Variants in CDH13 observed in about 807,000 individuals in gnomAD.
CDH13 encodes cadherin 13, also known as cadherin-13.
Under a neutral mutation model 63.8 loss-of-function variants are expected in CDH13, and 24 were observed. That is an observed-to-expected ratio of 0.38 (90% confidence interval 0.27 to 0.53). The LOEUF (loss-of-function observed/expected upper bound fraction) is 0.53. CDH13 is among the 20% of genes least tolerant of loss of function. The pLI, the probability that CDH13 is intolerant of heterozygous loss-of-function variation, is 0.85. For synonymous variants in CDH13, 503 were observed against 355.3 expected, an observed-to-expected ratio of 1.42 and a Z score of -4.67; for missense variants, 1,049 against 903.1, an observed-to-expected ratio of 1.16 and a Z score of -2.07.
At chr16:83,471,269 AC>A (rs1260757174) in intron 6 of CDH13, among the ~76,000 whole-genome samples, 2 of 114,800 alleles carry the variant, frequency 1.7e-5, no homozygotes, top group Non-Finnish European at 3.4e-5. Flanking sequence ...TATTTTTCTA[AC>A]CACCCTTTTT....
At chr16:82,629,160 A>G (rs914773461) in intron 1 of CDH13, among the ~76,000 whole-genome samples, 1 of 152,206 alleles carries the variant, frequency 6.6e-6, no homozygotes, top group Admixed American at 6.5e-5. Context: ...TTTATGCACT[A>G]AGGGCTCTGC....
At chr16:82,807,101 T>G (rs1183825639) in intron 1 of CDH13, among the ~76,000 whole-genome samples, 1 of 151,988 alleles carries the variant, frequency 6.6e-6, no homozygotes, top group Non-Finnish European at 1.5e-5. Context: ...TTTTTTTTTT[T>G]TTCTTAAGAA....
intron 6 of CDH13, among the ~76,000 whole-genome samples, chr16:83,376,744 A>G (rs1215680041): frequency 1.3e-5 from 2 of 152,182 alleles, no homozygotes; most frequent in Admixed American, 6.5e-5. Flanking sequence ...AGGGCCAGAA[A>G]TCTTTGAGCA....
At chr16:82,838,947 G>A (rs796521365) in intron 1 of CDH13, among the ~76,000 whole-genome samples, 5 of 152,290 alleles carry the variant, frequency 3.3e-5, no homozygotes, top group African/African-American at 1.2e-4. Flanking sequence ...GACATTGCAG[G>A]CCATCCAGTC....
intron 5 of CDH13, among the ~76,000 whole-genome samples, chr16:83,263,544 C>A (rs1284469357): frequency 6.6e-6 from 1 of 152,146 alleles, no homozygotes; most frequent in Non-Finnish European, 1.5e-5. Context: ...CCTCCCTAGC[C>A]ACCGCCCACT....
At position 82,821,024 on chromosome 16, in the gene CDH13, C is replaced by T. The variant is rs117922971; in HGVS notation, c.46-37338C>T. Among the ~76,000 whole-genome samples the T allele has an allele frequency of 5.9e-4, 90 of 152,144 alleles. 1 individual carries two copies. The East Asian group carries it at 0.015, about 25-fold the overall frequency. On this transcript the variant is annotated intron_variant, in intron 1 of 13. Coordinates refer to ENST00000567109, the MANE Select transcript of CDH13 (RefSeq NM_001257.5). ...CATTAGATGAGGCCATCAGTTACAG[C>T]GGAAATGATCATTATTGGAAAGCTG... is the stretch of plus-strand genomic sequence containing the variant.
At chr16:83,131,922 G>A (rs1266877183) in intron 4 of CDH13, among the ~76,000 whole-genome samples, 1 of 152,136 alleles carries the variant, frequency 6.6e-6, no homozygotes, top group Non-Finnish European at 1.5e-5. Context: ...ACTCAACCAG[G>A]ACTCCGCTTT....
chr16:83,030,205 C>G (rs953185642), intron 2 of CDH13, among the ~76,000 whole-genome samples: 1 of 152,172 alleles, frequency 6.6e-6, no homozygotes, highest in African/African-American at 2.4e-5. Context: ...CTCTCCATAT[C>G]AGCACCACTG....
In CDH13 at chr16:83,800,025, C is replaced by T. The variant is rs943899704; in HGVS notation, c.*4995C>T. The T allele has an allele frequency of 2.0e-5, 3 of 152,224 alleles. No individual in the cohort carries two copies. Among genetic ancestry groups the T allele is most frequent in the African/African-American group, 7.2e-5 (3 of 41,448 alleles). The allele number at this position is 152,224 out of a possible 1,614,324, so 9.4% of individuals were successfully genotyped here. ...AATTAAGTAAGCGGAAAAATTTCCT[C>T]TCTCTCATACTATGTTGCTATCATC... On this transcript the variant is annotated 3_prime_UTR_variant, in exon 14 of 14. Coordinates refer to ENST00000567109, the MANE Select transcript of CDH13 (RefSeq NM_001257.5).
chr16:82,979,585 GA>G (rs775492105), intron 2 of CDH13, among the ~76,000 whole-genome samples: 2 of 152,120 alleles, frequency 1.3e-5, no homozygotes, highest in Non-Finnish European at 2.9e-5. Context: ...GCTGCCATGT[GA>G]AAAAGGATGT....
intron 7 of CDH13, among the ~76,000 whole-genome samples, chr16:83,527,575 A>T (rs148963290): frequency 2.0e-5 from 3 of 152,368 alleles, no homozygotes; most frequent in Non-Finnish European, 4.4e-5. Flanking sequence ...GGCCCAGGGC[A>T]ACTACATCCG....
chr16:83,795,378 T>C lies in CDH13; in HGVS notation c.*348T>C, dbSNP rs1328347942. ...GCACCCAGCTTTGTCTGTGGGTTAG[T>C]ATTGGTGTATGTATGAGTATCTGTA... On this transcript the variant is annotated 3_prime_UTR_variant, in exon 14 of 14. Transcript: ENST00000567109. 6.3e-6 allele frequency: 2 copies of C among 315,998 alleles called. No individual in the cohort carries two copies. The highest frequency in any genetic ancestry group is 1.4e-4 in the East Asian group (2 of 14,084). The allele number at this position is 315,998 out of a possible 1,614,324, so 19.6% of individuals were successfully genotyped here. A position where few individuals can be genotyped will look rare whatever the true frequency, so the allele number is the denominator to read the frequency against.
At chr16:83,153,346 A>G (rs1378404140) in intron 4 of CDH13, among the ~76,000 whole-genome samples, 1 of 152,016 alleles carries the variant, frequency 6.6e-6, no homozygotes, top group Non-Finnish European at 1.5e-5. Flanking sequence ...TGATCCATCA[A>G]ATGCAGAGTC....
At chr16:83,202,345 G>A (rs2039056091) in intron 4 of CDH13, among the ~76,000 whole-genome samples, 1 of 152,184 alleles carries the variant, frequency 6.6e-6, no homozygotes, top group Non-Finnish European at 1.5e-5. Context: ...TGAAGACAGA[G>A]GCAGGGATAT....
chr16:83,778,803 C>G (rs1182771801), intron 11 of CDH13, among the ~76,000 whole-genome samples: 2 of 152,112 alleles, frequency 1.3e-5, no homozygotes, highest in Non-Finnish European at 2.9e-5. Context: ...CATCAGCCAT[C>G]TGAGACTCTT....
chr16:82,979,025 C>T (rs1909906165), intron 2 of CDH13, among the ~76,000 whole-genome samples: 1 of 152,194 alleles, frequency 6.6e-6, no homozygotes, highest in South Asian at 2.1e-4. Flanking sequence ...TCATCATGCC[C>T]TAGATGTGAG....
At position 82,935,773 on chromosome 16, in the gene CDH13, G is replaced by T. The variant is rs1159400563; in HGVS notation, c.157+77300G>T. On this transcript the variant is annotated intron_variant, in intron 2 of 13. Transcript: ENST00000567109. ...CTATGTTGCCTGGGGTATATACCCT[G>T]GGGTTTCTTGTTGTGTACCAGGAAA... Among the ~76,000 whole-genome samples, 3 of 152,066 alleles carry T rather than the reference G, an allele frequency of 2.0e-5. No homozygotes were observed. In the South Asian group the frequency reaches 6.2e-4, roughly 32 times the overall value.
At chr16:83,092,102 A>G (rs909472088) in intron 3 of CDH13, among the ~76,000 whole-genome samples, 4 of 152,242 alleles carry the variant, frequency 2.6e-5, no homozygotes, top group South Asian at 2.1e-4. Flanking sequence ...TAAGTAATTC[A>G]TATCACTGCA....
intron 1 of CDH13, among the ~76,000 whole-genome samples, chr16:82,747,934 C>T (rs1400126400): frequency 1.3e-5 from 2 of 152,120 alleles, no homozygotes; most frequent in Admixed American, 1.3e-4. Flanking sequence ...TTTTTAAAAA[C>T]CAAGGCACAA....
Sources: allele counts gnomAD v4.1 joint callset (sites outside exome capture counted in the v4.1 genomes callset), GRCh38; gene constraint gnomAD v4.1.1; transcripts MANE v1.5; gene names NCBI Gene and HGNC (gene_info 2026-07-23, HGNC 2026-07-21).